Variants in RFX3 observed in about 807,000 individuals in gnomAD.
The protein encoded by RFX3 is regulatory factor X3.
In RFX3, 14 loss-of-function variants were observed where a neutral mutation model predicts 98.6. The ratio of observed to expected loss-of-function variants is 0.14; its 90% confidence interval spans 0.09 to 0.22. The LOEUF is 0.22. Among genes scored for constraint, RFX3 ranks in the 10% least tolerant of loss-of-function variants. The pLI is 1.00. For missense variants in RFX3, 639 were observed against 926.9 expected (o/e 0.69, Z 4.03); for synonymous variants, 383 against 328.4 (o/e 1.17, Z -1.80).
At chr9:3,262,323 C>T (rs116698547) in intron 13 of RFX3, among the ~76,000 whole-genome samples, 3,551 of 152,046 alleles carry the variant, frequency 0.023, 135 homozygotes, top group African/African-American at 0.081. Flanking sequence ...CTTTAAAGTA[C>T]AAGTGGGTAA....
At chr9:3,441,379 A>ACCAG (rs1845596682) in intron 1 of RFX3, among the ~76,000 whole-genome samples, 1 of 152,092 alleles carries the variant, frequency 6.6e-6, no homozygotes, top group East Asian at 1.9e-4. Flanking sequence ...CTGTCTGCCA[A>ACCAG]GCAAACCTAG....
rs547178525 is a variant in RFX3, at chr9:3,461,060, T to A, written c.-9+64687A>T. 6.0e-5 allele frequency among the ~76,000 whole-genome samples: 9 copies of A among 151,050 alleles called. No homozygotes were observed. In the South Asian group the frequency reaches 1.9e-3, roughly 31 times the overall value. ...CATCGCTGAGATTTACTATTTCTTA[T>A]TTTCTTTCTCATTAATATTTATTTA... On this transcript the variant is annotated intron_variant, in intron 1 of 16. Coordinates refer to ENST00000617270, the MANE Select transcript of RFX3 (RefSeq NM_001282116.2).
At chr9:3,307,044 T>C (rs1264928274) in intron 4 of RFX3, among the ~76,000 whole-genome samples, 2 of 152,070 alleles carry the variant, frequency 1.3e-5, no homozygotes, top group African/African-American at 4.8e-5. Flanking sequence ...TTCATGGTTT[T>C]AAAAACGGGA....
intron 2 of RFX3, among the ~76,000 whole-genome samples, chr9:3,365,675 A>T (rs890273275): frequency 6.6e-6 from 1 of 152,174 alleles, no homozygotes; most frequent in African/African-American, 2.4e-5. Flanking sequence ...CAAAACTTAT[A>T]TATAAACACA....
At chr9:3,446,281 T>C (rs1359702021) in intron 1 of RFX3, among the ~76,000 whole-genome samples, 1 of 152,142 alleles carries the variant, frequency 6.6e-6, no homozygotes, top group Non-Finnish European at 1.5e-5. Context: ...TATACCGTAT[T>C]AATTTATATT....
Position 3,219,621 on chromosome 9 carries a change from A to C in RFX3, c.*5421T>G, listed in dbSNP as rs1009832915. ...TGTAAGTGGCTTTTACTATTTAAGT[A>C]AAATTGGTAAACTAAACTCAGGTCT... On this transcript the variant is annotated 3_prime_UTR_variant, in exon 17 of 17. Transcript: ENST00000617270. 1.3e-5 allele frequency: 2 copies of C among 152,210 alleles called. No individual in the cohort carries two copies. The highest frequency in any genetic ancestry group is 1.3e-4 in the Admixed American group (2 of 15,270). 9.4% of individuals were successfully genotyped at this position (152,210 alleles called of 1,614,324 possible).
chr9:3,326,296 T>G (rs993599324), intron 4 of RFX3, among the ~76,000 whole-genome samples: 12 of 152,184 alleles, frequency 7.9e-5, no homozygotes, highest in African/African-American at 2.9e-4. Flanking sequence ...CATATAAAAT[T>G]TAATTTGTTA....
At chr9:3,462,478 A>G (rs538554978) in intron 1 of RFX3, among the ~76,000 whole-genome samples, 47 of 152,158 alleles carry the variant, frequency 3.1e-4, no homozygotes, top group Admixed American at 1.1e-3. Context: ...TCTTTCTAAT[A>G]TAAGAGGGCA....
At chr9:3,350,246 C>CAAAG (rs1834950367) in intron 2 of RFX3, among the ~76,000 whole-genome samples, 1 of 152,044 alleles carries the variant, frequency 6.6e-6, no homozygotes, top group Non-Finnish European at 1.5e-5. Flanking sequence ...CCAAAATTTA[C>CAAAG]AAAGAGCTCT....
At chr9:3,327,503 A>G (rs1832052944) in intron 4 of RFX3, among the ~76,000 whole-genome samples, 1 of 152,140 alleles carries the variant, frequency 6.6e-6, no homozygotes, top group Non-Finnish European at 1.5e-5. Flanking sequence ...CCGCACTATC[A>G]ATCAATATGG....
At chr9:3,314,613 G>A (rs1245865042) in intron 4 of RFX3, among the ~76,000 whole-genome samples, 3 of 152,114 alleles carry the variant, frequency 2.0e-5, no homozygotes, top group African/African-American at 7.2e-5. Flanking sequence ...TCAGCGTGCT[G>A]TATTCAGGAG....
intron 7 of RFX3, among the ~76,000 whole-genome samples, chr9:3,285,785 C>A (rs552971364): frequency 6.6e-6 from 1 of 151,650 alleles, no homozygotes; most frequent in African/African-American, 2.4e-5. Context: ...ATTAATACTA[C>A]TGAGATTCTT....
chr9:3,351,870 T>C (rs1177738748), intron 2 of RFX3, among the ~76,000 whole-genome samples: 2 of 151,996 alleles, frequency 1.3e-5, no homozygotes, highest in East Asian at 1.9e-4. Context: ...ATAGGTTCTT[T>C]AGGCAATTTA....
chr9:3,356,723 C>CT (rs1835815937), intron 2 of RFX3, among the ~76,000 whole-genome samples: 1 of 151,822 alleles, frequency 6.6e-6, no homozygotes, highest in Admixed American at 6.6e-5. Flanking sequence ...ATGCAAAAAT[C>CT]TTTAACAAAA....
rs111887025 is a variant in RFX3, at chr9:3,498,570, C to A, written c.-9+27177G>T. On this transcript the variant is annotated intron_variant, in intron 1 of 16. Transcript: ENST00000617270. Reference sequence around the variant, plus strand: ...TTTAAAAATACTTCCCTGAAAACTTCTTTACGTGATATCCTTTTTTTGTTG... The same window carrying A: ...TTTAAAAATACTTCCCTGAAAACTTATTTACGTGATATCCTTTTTTTGTTG... Among the ~76,000 whole-genome samples, 7 of 152,118 alleles carry A rather than the reference C, an allele frequency of 4.6e-5. 1 individual carries two copies. Among genetic ancestry groups the A allele is most frequent in the Admixed American group, 1.3e-4 (2 of 15,282 alleles).
At chr9:3,475,888 G>A (rs1012503333) in intron 1 of RFX3, among the ~76,000 whole-genome samples, 11 of 152,136 alleles carry the variant, frequency 7.2e-5, no homozygotes, top group Non-Finnish European at 1.2e-4. Context: ...CTAAGTAGTA[G>A]GTGTTTTCCC....
intron 2 of RFX3, among the ~76,000 whole-genome samples, chr9:3,359,730 G>A (rs1024654272): frequency 3.9e-5 from 6 of 152,008 alleles, no homozygotes; most frequent in African/African-American, 1.4e-4. Context: ...ATGGGGATGT[G>A]TATTTTTTTA....
At chr9:3,345,512 G>C (rs1834357501) in intron 3 of RFX3, among the ~76,000 whole-genome samples, 1 of 152,072 alleles carries the variant, frequency 6.6e-6, no homozygotes, top group Non-Finnish European at 1.5e-5. Flanking sequence ...TCAATGAAAA[G>C]CTTCCAGTTT....
intron 1 of RFX3, among the ~76,000 whole-genome samples, chr9:3,502,579 C>A (rs926279076): frequency 3.9e-5 from 6 of 152,170 alleles, no homozygotes; most frequent in Non-Finnish European, 4.4e-5. Flanking sequence ...GCAGTCAACA[C>A]TAAATTTGAA....
Sources: allele counts gnomAD v4.1 joint callset (sites outside exome capture counted in the v4.1 genomes callset), GRCh38; gene constraint gnomAD v4.1.1; transcripts MANE v1.5; gene names NCBI Gene and HGNC (gene_info 2026-07-23, HGNC 2026-07-21).